The following TMED10 variants were observed in gnomAD, a reference collection of about 807,000 sequenced individuals.
TMED10 encodes transmembrane p24 trafficking protein 10, also known as transmembrane emp24 domain-containing protein 10.
In TMED10, 7 loss-of-function variants were observed where a neutral mutation model predicts 23.1. The ratio of observed to expected loss-of-function variants is 0.30; its 90% CI spans 0.17 to 0.57. The LOEUF (loss-of-function observed/expected upper bound fraction) is 0.57. TMED10 is among the 20% of genes least tolerant of loss of function. The pLI, the probability that TMED10 is intolerant of heterozygous loss-of-function variation, is 0.91. For synonymous variants in TMED10, 113 were observed against 106.9 expected (o/e 1.06, Z -0.35); for missense variants, 162 against 274.8 (o/e 0.59, Z 2.90).
Position 75,140,993 on chromosome 14 carries a change from T to A in TMED10, c.412-5107A>T, listed in dbSNP as rs566887986. Among the ~76,000 whole-genome samples, 44 of 152,332 alleles carry A rather than the reference T, an allele frequency of 2.9e-4. No homozygotes were observed. The South Asian group carries it at 3.9e-3, about 14-fold the overall frequency. Reference sequence around the variant, plus strand: ...TATAAAAAAGTTTCTTGATTTTTTTTAAACATTTTAAGGCCTTAACGTTTT... The same window carrying A: ...TATAAAAAAGTTTCTTGATTTTTTTAAAACATTTTAAGGCCTTAACGTTTT... On this transcript the variant is annotated intron_variant, in intron 3 of 4. Transcript: ENST00000303575.
chr14:75,162,874 G>A (rs1386218732), intron 1 of TMED10, among the ~76,000 whole-genome samples: 1 of 151,962 alleles, frequency 6.6e-6, no homozygotes, highest in African/African-American at 2.4e-5. Context: ...ACCTTATCAT[G>A]AGAAAAACAT....
chr14:75,131,864 A>G lies in TMED10; in HGVS notation c.*3021T>C, dbSNP rs1206075053. The G allele has an allele frequency of 6.6e-6, 1 of 152,300 alleles. No individual in the cohort carries two copies. Among genetic ancestry groups the G allele is most frequent in the African/African-American group, 2.4e-5 (1 of 41,466 alleles). 9.4% of individuals were successfully genotyped at this position (152,300 alleles called of 1,614,324 possible). On this transcript the variant is annotated 3_prime_UTR_variant, in exon 5 of 5. Coordinates refer to ENST00000303575, the MANE Select transcript of TMED10 (RefSeq NM_006827.6). Reference sequence around the variant, plus strand: ...GCATGAGTAAAGGGAAGGGACATGAAAGAATGTCAACTCCTACAAAGCTTA... The same window carrying G: ...GCATGAGTAAAGGGAAGGGACATGAGAGAATGTCAACTCCTACAAAGCTTA...
chr14:75,147,559 A>G, intron 3 of TMED10, 105 bp downstream of exon 3: 1 of 1,178,476 alleles, frequency 8.5e-7, no homozygotes, highest in Non-Finnish European at 1.3e-6. Flanking sequence ...CTGCTAAGAA[A>G]CCACAGCCCT....
chr14:75,159,762 T>A (rs533357789), intron 1 of TMED10, among the ~76,000 whole-genome samples: 1 of 152,312 alleles, frequency 6.6e-6, no homozygotes, highest in African/African-American at 2.4e-5. Context: ...CTCCAGCTGG[T>A]ACTCCAAAGG....
intron 1 of TMED10, among the ~76,000 whole-genome samples, chr14:75,164,571 A>ATT (rs1896135085): frequency 2.4e-3 from 5 of 2,096 alleles, no homozygotes; most frequent in Admixed American, 0.016. Context: ...ATATATATAT[A>ATT]TATATATTTT....
chr14:75,134,858 A>G lies in TMED10; in HGVS notation c.*27T>C. ...GCGATGTTCTGCTGGCTGAGGTACA[A>G]GGTGGGAGGAGAATATGCCTCATTC... On this transcript the variant is annotated 3_prime_UTR_variant, in exon 5 of 5. Coordinates refer to ENST00000303575, the MANE Select transcript of TMED10 (RefSeq NM_006827.6). 6.2e-7 allele frequency: 1 copy of G among 1,612,778 alleles called. No homozygotes were observed. The highest frequency in any genetic ancestry group is 1.1e-5 in the South Asian group (1 of 91,000).
intron 3 of TMED10, among the ~76,000 whole-genome samples, chr14:75,145,182 T>G (rs556289829): frequency 4.9e-4 from 75 of 152,276 alleles, no homozygotes; most frequent in African/African-American, 1.7e-3. Flanking sequence ...TGTAACTACA[T>G]GCGTAAAGGC....
Position 75,176,527 on chromosome 14 carries a change from A to C in TMED10, c.53T>G (p.Leu18Trp). 6.2e-7 allele frequency: 1 copy of C among 1,614,192 alleles called. No individual in the cohort carries two copies. Among genetic ancestry groups the C allele is most frequent in the Non-Finnish European group, 8.5e-7 (1 of 1,180,032 alleles). Residue 18 changes from leucine to tryptophan, a missense_variant, in exon 1 of 5, where the codon TTG (leucine) becomes TGG (tryptophan). By Grantham distance (61) the Leu-to-Trp change is moderately conservative (BLOSUM62 -2). Transcript: ENST00000303575. ...GGGGCCGAGCAGGAACAAAAGCAGC[A>C]ACGCTAACGGAAAAGGGCCGCGCCG... ...PARRGPFPLA[L>W]LLLFLLGPRL...
chr14:75,155,251 C>G (rs542359100), intron 1 of TMED10, among the ~76,000 whole-genome samples: 1 of 152,296 alleles, frequency 6.6e-6, no homozygotes, highest in Non-Finnish European at 1.5e-5. Context: ...TGAGCCACCA[C>G]GCCCGGCCTA....
chr14:75,135,631 C>T (rs555682777), intron 4 of TMED10, 129 bp downstream of exon 4: 16 of 1,310,486 alleles, frequency 1.2e-5, no homozygotes, highest in African/African-American at 1.2e-4. Flanking sequence ...GCAACAACAG[C>T]GAAGCAAGCA....
chr14:75,160,721 C>A (rs1340149056), intron 1 of TMED10, among the ~76,000 whole-genome samples: 1 of 152,168 alleles, frequency 6.6e-6, no homozygotes, highest in Non-Finnish European at 1.5e-5. Flanking sequence ...ATATCACCTT[C>A]TGAAGAAAAG....
chr14:75,139,171 G>A, intron 3 of TMED10: 1 of 451,896 alleles, frequency 2.2e-6, no homozygotes, highest in South Asian at 1.6e-5. Flanking sequence ...GAGACACTAT[G>A]CTTTTGTATG....
At chr14:75,147,313 C>T (rs1314419630) in intron 3 of TMED10, among the ~76,000 whole-genome samples, 1 of 151,784 alleles carries the variant, frequency 6.6e-6, no homozygotes, top group Non-Finnish European at 1.5e-5. Flanking sequence ...CTCAGCCTCC[C>T]GAGTAGACTA....
chr14:75,147,644 G>T lies in TMED10; in HGVS notation c.411+20C>A. The T allele has an allele frequency of 6.2e-7, 1 of 1,612,846 alleles. No individual in the cohort carries two copies. On this transcript the variant is annotated intron_variant, in intron 3 of 4. Transcript: ENST00000303575. ...GCATAGCACACTGCTGCCTCCTCTG[G>T]CTGTTAGAGCAGGACATACCTCTTC...
At chr14:75,161,592 A>C (rs1209877957) in intron 1 of TMED10, among the ~76,000 whole-genome samples, 2 of 152,178 alleles carry the variant, frequency 1.3e-5, no homozygotes, top group African/African-American at 2.4e-5. Context: ...TTCAACCATC[A>C]TCTTGCTAAA....
At position 75,134,775 on chromosome 14, in the gene TMED10, A is replaced by G. The variant is rs1895727278; in HGVS notation, c.*110T>C. ...CAAAAGAGATCAGTTCTGGCAAGAA[A>G]GCTCCAACGTGCCTTGATGGTGCTG... On this transcript the variant is annotated 3_prime_UTR_variant, in exon 5 of 5. Coordinates refer to ENST00000303575, the MANE Select transcript of TMED10 (RefSeq NM_006827.6). The G allele has an allele frequency of 1.4e-6, 2 of 1,466,286 alleles. No individual in the cohort carries two copies. The highest frequency in any genetic ancestry group is 1.8e-5 in the Admixed American group (1 of 56,492). 90.8% of individuals were successfully genotyped at this position (1,466,286 alleles called of 1,614,324 possible).
intron 1 of TMED10, among the ~76,000 whole-genome samples, chr14:75,164,555 ATATATATATATATATATATATAT>A (rs1244916949): frequency 0.12 from 1,451 of 12,402 alleles, 141 homozygotes; most frequent in African/African-American, 0.23. Flanking sequence ...ATATATATAT[ATATATATATATATATATATATAT>A]TTTTTTTTTT....
chr14:75,164,559 ATATATATATATATATATATTTTT>A (rs1248328914), intron 1 of TMED10, among the ~76,000 whole-genome samples: 569 of 32,194 alleles, frequency 0.018, 35 homozygotes, highest in African/African-American at 0.11. Flanking sequence ...ATATATATAT[ATATATATATATATATATATTTTT>A]TTTTTTTTTT....
chr14:75,151,153 G>A (rs1895951442), intron 2 of TMED10, among the ~76,000 whole-genome samples: 3 of 151,992 alleles, frequency 2.0e-5, no homozygotes, highest in South Asian at 2.1e-4. Context: ...TGATCCGCCC[G>A]CCTCGGCCTC....
Sources: allele counts gnomAD v4.1 joint callset (sites outside exome capture counted in the v4.1 genomes callset), GRCh38; gene constraint gnomAD v4.1.1; transcripts MANE v1.5; gene names NCBI Gene and HGNC (gene_info 2026-07-23, HGNC 2026-07-21).